The following CEP350 variants were observed in gnomAD, a reference collection of about 807,000 sequenced individuals.
CEP350 encodes the protein centrosome-associated protein 350.
In CEP350, 126 loss-of-function variants were observed where a neutral mutation model predicts 331.8. That is an observed-to-expected ratio of 0.38 (90% CI 0.33 to 0.44). The LOEUF (loss-of-function observed/expected upper bound fraction) is 0.44. Ranked by LOEUF, CEP350 falls within the 20% of genes least tolerant of loss-of-function variation. The probability of loss-of-function intolerance (pLI) is 1.00; values close to 1 mark genes in which losing one functional copy is unlikely to be tolerated. For missense variants in CEP350, 3,406 were observed against 3,634.6 expected (o/e 0.94, Z 1.62); for synonymous variants, 1,200 against 1,259.5 (o/e 0.95, Z 1.00).
chr1:179,974,992 AAAAAAG>A (rs1459170735), intron 1 of CEP350, among the ~76,000 whole-genome samples: 1 of 152,066 alleles, frequency 6.6e-6, no homozygotes, highest in African/African-American at 2.4e-5. Context: ...CCGTGTCTCT[AAAAAAG>A]AAAAAAAAAG....
intron 1 of CEP350, among the ~76,000 whole-genome samples, chr1:179,982,036 A>G (rs1652305413): frequency 6.6e-6 from 1 of 152,122 alleles, no homozygotes; most frequent in Non-Finnish European, 1.5e-5. Flanking sequence ...ATAAACCTAA[A>G]ACAGGGCATA....
chr1:180,079,773 G>A (rs950864572), intron 29 of CEP350, among the ~76,000 whole-genome samples: 6 of 151,960 alleles, frequency 3.9e-5, no homozygotes, highest in Non-Finnish European at 4.4e-5. Context: ...TTATTGATGA[G>A]GCTTGGAATA....
chr1:180,047,757 C>CAAAAAAAAAAAAAA (rs5779043), intron 21 of CEP350, among the ~76,000 whole-genome samples: 4 of 74,036 alleles, frequency 5.4e-5, no homozygotes, highest in Non-Finnish European at 9.6e-5. Context: ...TGAAACTCCT[C>CAAAAAAAAAAAAAA]AAAAAAAAAA....
intron 31 of CEP350, 139 bp downstream of exon 31, chr1:180,084,317 A>T: frequency 1.4e-6 from 1 of 722,626 alleles, no homozygotes; most frequent in Non-Finnish European, 2.0e-6. Context: ...CTCTTAAAAA[A>T]AATCTGAGGG....
chr1:180,047,671 A>T (rs948843027), intron 21 of CEP350, among the ~76,000 whole-genome samples: 5 of 148,766 alleles, frequency 3.4e-5, no homozygotes, highest in African/African-American at 1.2e-4. Flanking sequence ...CTGAGGCAGG[A>T]GAATCTCTTG....
intron 2 of CEP350, 118 bp downstream of exon 2, chr1:179,986,372 A>G (rs1652646227): frequency 1.7e-6 from 1 of 603,446 alleles, no homozygotes; most frequent in African/African-American, 1.9e-5. Context: ...TGGATAAATC[A>G]TTTTAAAATT....
Position 180,050,639 on chromosome 1 carries a change from G to A in CEP350, c.4792+1934G>A, listed in dbSNP as rs117998349. Among the ~76,000 whole-genome samples the A allele has an allele frequency of 4.7e-3, 707 of 148,852 alleles. 16 individuals are homozygous for A. The East Asian group carries it at 0.057, about 12-fold the overall frequency. ...GATGGTGCCACTGCACTCCAACCTGGGCAACGAGAGTGAGATTCTGTCTCC... is the reference window on the plus strand; with the variant it reads ...GATGGTGCCACTGCACTCCAACCTGAGCAACGAGAGTGAGATTCTGTCTCC... On this transcript the variant is annotated intron_variant, in intron 22 of 37. Coordinates refer to ENST00000367607, the MANE Select transcript of CEP350 (RefSeq NM_014810.5).
intron 15 of CEP350, 94 bp downstream of exon 15, chr1:180,031,588 C>A (rs1289916245): frequency 3.7e-6 from 2 of 539,472 alleles, no homozygotes; most frequent in African/African-American, 4.0e-5. Context: ...TCAGCAGTCC[C>A]CTTAACTGTG....
At chr1:180,062,009 T>C (rs905438204) in intron 25 of CEP350, among the ~76,000 whole-genome samples, 1 of 152,128 alleles carries the variant, frequency 6.6e-6, no homozygotes, top group Non-Finnish European at 1.5e-5. Context: ...AATTTAAAAT[T>C]AAGAGATCAT....
chr1:180,090,062 A>T (rs985593784), intron 32 of CEP350, among the ~76,000 whole-genome samples: 2 of 152,218 alleles, frequency 1.3e-5, no homozygotes, highest in Non-Finnish European at 2.9e-5. Context: ...GTTTGAGCAA[A>T]TAGCTTTGAA....
chr1:180,012,016 C>T lies in CEP350; in HGVS notation c.1334C>T (p.Pro445Leu), dbSNP rs1389807229. 6.3e-7 allele frequency: 1 copy of T among 1,582,570 alleles called. No individual in the cohort carries two copies. Among genetic ancestry groups the T allele is most frequent in the Non-Finnish European group, 8.6e-7 (1 of 1,163,320 alleles). Reference sequence around the variant, plus strand: ...CTGGGACCTGCTCCCAGAATGGAGCCAAAAGAGCAAAGAACAGCATCAAGT... The same window carrying T: ...CTGGGACCTGCTCCCAGAATGGAGCTAAAAGAGCAAAGAACAGCATCAAGT... ...KILGPAPRMEPKEQRTASSDR... is the reference protein window; with the variant it reads ...KILGPAPRMELKEQRTASSDR... Residue 445 changes from proline to leucine, a missense_variant, in exon 9 of 38, where the codon CCA becomes CTA. Pro to Leu is a moderately conservative substitution (Grantham distance 98). Coordinates refer to ENST00000367607, the MANE Select transcript of CEP350 (RefSeq NM_014810.5).
chr1:180,019,820 CTTTTTTATA>C (rs894436855), intron 11 of CEP350, 120 bp from the exon 12 acceptor site: 3 of 711,660 alleles, frequency 4.2e-6, no homozygotes, highest in African/African-American at 3.6e-5. Flanking sequence ...TGATCTTTAT[CTTTTTTATA>C]TTTTTTATCT....
At chr1:179,976,312 C>G (rs1023107173) in intron 1 of CEP350, among the ~76,000 whole-genome samples, 1 of 151,852 alleles carries the variant, frequency 6.6e-6, no homozygotes. Flanking sequence ...CTGTTCATAA[C>G]AAAGTGAAAG....
chr1:179,957,182 T>C (rs530653246), intron 1 of CEP350, among the ~76,000 whole-genome samples: 1 of 152,302 alleles, frequency 6.6e-6, no homozygotes, highest in East Asian at 1.9e-4. Flanking sequence ...CTTTCAGTCA[T>C]TTATACTCTT....
chr1:180,042,482 A>G lies in CEP350; in HGVS notation c.4363-574A>G, dbSNP rs9425850. On this transcript the variant is annotated intron_variant, in intron 19 of 37. Coordinates refer to ENST00000367607, the MANE Select transcript of CEP350 (RefSeq NM_014810.5). Reference sequence around the variant, plus strand: ...ATGACTTAGTTATTGGAAATCCATGAATGTACTATATGTTGGGTACTGTGG... The same window carrying G: ...ATGACTTAGTTATTGGAAATCCATGGATGTACTATATGTTGGGTACTGTGG... Among the ~76,000 whole-genome samples the G allele has an allele frequency of 5.5e-3, 831 of 152,334 alleles. 4 individuals carry two copies. The highest frequency in any genetic ancestry group is 0.027 in the Middle Eastern group (8 of 292).
chr1:180,094,486 A>G lies in CEP350; in HGVS notation c.8381A>G (p.Lys2794Arg), dbSNP rs1254138178. 1.9e-6 allele frequency: 3 copies of G among 1,613,964 alleles called. No individual in the cohort carries two copies. Among genetic ancestry groups the G allele is most frequent in the Admixed American group, 1.7e-5 (1 of 60,002 alleles). Residue 2794 changes from lysine to arginine, a missense_variant, in exon 34 of 38, where the codon AAG becomes AGG. Physicochemically the swap from Lys to Arg is conservative, Grantham distance 26 (BLOSUM62 2). This residue lies in a region of CEP350 where 1,415 missense variants were observed against 1,512.3 expected (regional missense o/e 0.94). Coordinates refer to ENST00000367607, the MANE Select transcript of CEP350 (RefSeq NM_014810.5). ...SNQELLGDDQ[K>R]KVTPQDLSQN... The stretch of plus-strand genomic sequence containing the variant: ...CAGGAGCTTCTTGGTGATGACCAAA[A>G]GAAAGTAACACCCCAAGACCTATCC...
chr1:179,982,464 A>T (rs1417986261), intron 1 of CEP350, among the ~76,000 whole-genome samples: 1 of 152,214 alleles, frequency 6.6e-6, no homozygotes, highest in Non-Finnish European at 1.5e-5. Flanking sequence ...AATTTATATT[A>T]AAGATGATTG....
Position 180,092,748 on chromosome 1 carries a change from A to G in CEP350, c.6643A>G (p.Ile2215Val). 3.7e-6 allele frequency: 6 copies of G among 1,602,182 alleles called. No individual in the cohort carries two copies. The highest frequency in any genetic ancestry group is 5.1e-6 in the Non-Finnish European group (6 of 1,173,328). ...TCCAGTTCTCAGATCATCAAGGAAA[A>G]TCAGAGAAGAATCTGGAGATTCTCT... is the stretch of plus-strand genomic sequence containing the variant. ...PSPVLRSSRK[I>V]REESGDSLEN... The change falls in exon 34 of 38, where the codon ATC (isoleucine) becomes GTC (valine). Residue 2215 changes from isoleucine to valine, a missense_variant. Ile to Val is a conservative substitution (Grantham distance 29). This residue lies in a region of CEP350 where 1,415 missense variants were observed against 1,512.3 expected (regional missense o/e 0.94). Coordinates refer to ENST00000367607, the MANE Select transcript of CEP350 (RefSeq NM_014810.5).
Position 180,090,744 on chromosome 1 carries a change from A to G in CEP350, c.6456A>G (p.Leu2152=). ...AAACGGCAAAGAATTGGAAATCACT[A>G]ACAGAGTCAGAACGTTCCAGAGGAT... ...RSETAKNWKS[L]TESERSRGSL... The change falls in exon 33 of 38, where the codon CTA becomes CTG. Residue 2152 remains leucine (L), a synonymous_variant. Coordinates refer to ENST00000367607, the MANE Select transcript of CEP350 (RefSeq NM_014810.5). The G allele has an allele frequency of 1.3e-6, 2 of 1,553,856 alleles. No homozygotes were observed. The highest frequency in any genetic ancestry group is 1.2e-5 in the South Asian group (1 of 83,724).
Sources: gnomAD v4.1 joint callset for allele counts (sites outside exome capture counted in the v4.1 genomes callset) on GRCh38, gnomAD v4.1.1 for gene constraint, gnomAD v4.1.1 regional missense constraint, MANE v1.5 for transcripts, NCBI Gene and HGNC (gene_info 2026-07-23, HGNC 2026-07-21) for gene names.